PALLD: variants seen among roughly 807,000 people sequenced by gnomAD.
The protein encoded by PALLD is palladin, cytoskeletal associated protein.
In PALLD, 61 loss-of-function variants were observed where a neutral mutation model predicts 123.5. That is an observed-to-expected ratio of 0.49 (90% CI 0.40 to 0.61). The LOEUF (loss-of-function observed/expected upper bound fraction) is 0.61, where lower values mean the gene tolerates loss of function less well. Among genes scored for constraint, PALLD ranks in the 20% least tolerant of loss-of-function variants. PALLD has a pLI of 0.00. For synonymous variants in PALLD, 465 were observed against 496.4 expected (o/e 0.94, Z 0.84); for missense variants, 1,273 against 1,377.0 (o/e 0.92, Z 1.20).
At chr4:168,533,445 G>T (rs7698708) in intron 2 of PALLD, among the ~76,000 whole-genome samples, 63,410 of 151,914 alleles carry the variant, frequency 0.42, 14,348 homozygotes, top group African/African-American at 0.6. Context: ...TTGAAATTAA[G>T]AATAAAGGAG....
chr4:168,863,694 T>C (rs925954158), intron 10 of PALLD: 32 of 152,250 alleles, frequency 2.1e-4, no homozygotes, highest in African/African-American at 7.7e-4. Context: ...GTCTTCTGGT[T>C]CATTTTGACA....
At chr4:168,678,481 A>G (rs1439256245) in intron 3 of PALLD, among the ~76,000 whole-genome samples, 2 of 152,146 alleles carry the variant, frequency 1.3e-5, no homozygotes, top group African/African-American at 4.8e-5. Flanking sequence ...AGAGCACAGA[A>G]TAGTGCCTGG....
At position 168,905,790 on chromosome 4, in the gene PALLD, CTTT is replaced by C. The variant is rs59427697; in HGVS notation, c.2622+1902_2622+1904del. On this transcript the variant is annotated intron_variant, in intron 15 of 21. Coordinates refer to ENST00000505667, the MANE Select transcript of PALLD (RefSeq NM_001166108.2). ...ACAAAAGCGGAACTTGCTTTTTTTT[CTTT>C]TTTTTTTTTTTTTTTTTCTTTTTTG... Among the ~76,000 whole-genome samples the C allele has an allele frequency of 6.4e-3, 719 of 113,136 alleles. 5 individuals carry two copies. Among genetic ancestry groups the C allele is most frequent in the African/African-American group, 0.021 (669 of 31,150 alleles). The allele number at this position is 113,136 out of a possible 152,430, so 74.2% of individuals were successfully genotyped here. A position where few individuals can be genotyped will look rare whatever the true frequency, so the allele number is the denominator to read the frequency against.
At chr4:168,599,753 C>T (rs181441475) in intron 2 of PALLD, among the ~76,000 whole-genome samples, 8 of 152,022 alleles carry the variant, frequency 5.3e-5, no homozygotes, top group Admixed American at 3.3e-4. Context: ...CCTGACTGGG[C>T]AACATAGCCA....
At chr4:168,589,677 A>T (rs1010159328) in intron 2 of PALLD, among the ~76,000 whole-genome samples, 6 of 152,182 alleles carry the variant, frequency 3.9e-5, no homozygotes, top group Admixed American at 1.3e-4. Flanking sequence ...AAGTTTGGGG[A>T]GTTGCTAAGC....
intron 2 of PALLD, among the ~76,000 whole-genome samples, chr4:168,625,500 G>GATATATATATATATATATATATATATAT (rs1554052783): frequency 2.6e-4 from 9 of 35,212 alleles, no homozygotes; most frequent in African/African-American, 7.8e-4. Flanking sequence ...TAATATCCAG[G>GATATATATATATATATATATATATATAT]AGATATATAT....
At chr4:168,631,668 T>G in intron 2 of PALLD, 1 of 985,392 alleles carries the variant, frequency 1.0e-6, no homozygotes. Flanking sequence ...TCGTGGCCGC[T>G]GCGCCGCCAG....
intron 17 of PALLD, among the ~76,000 whole-genome samples, chr4:168,920,206 G>A (rs1210342632): frequency 6.6e-6 from 1 of 152,198 alleles, no homozygotes; most frequent in Non-Finnish European, 1.5e-5. Flanking sequence ...ACAGCAAGTG[G>A]ATAGATAGGA....
At chr4:168,760,194 G>A (rs139221302) in intron 10 of PALLD, among the ~76,000 whole-genome samples, 1 of 152,228 alleles carries the variant, frequency 6.6e-6, no homozygotes, top group Non-Finnish European at 1.5e-5. Context: ...TCCAGCCTCA[G>A]TCTCTGTACA....
chr4:168,536,569 GA>G, intron 2 of PALLD: 1 of 152,254 alleles, frequency 6.6e-6, no homozygotes, highest in East Asian at 1.9e-4. Flanking sequence ...AAGGCAAAGG[GA>G]AAGCAAGACA....
chr4:168,808,948 A>G (rs1039109374), intron 10 of PALLD, among the ~76,000 whole-genome samples: 52 of 152,244 alleles, frequency 3.4e-4, no homozygotes, highest in African/African-American at 1.2e-3. Context: ...TAAGCAGGCC[A>G]GGGATTTTAA....
chr4:168,803,177 G>A (rs982663559), intron 10 of PALLD, among the ~76,000 whole-genome samples: 6 of 152,166 alleles, frequency 3.9e-5, no homozygotes, highest in African/African-American at 1.2e-4. Flanking sequence ...CAGTTCCACA[G>A]GCTGTACAGG....
intron 2 of PALLD, among the ~76,000 whole-genome samples, chr4:168,565,356 G>A (rs17613517): frequency 0.13 from 20,156 of 152,046 alleles, 1,753 homozygotes; most frequent in South Asian, 0.21. Flanking sequence ...CCATGCTCTC[G>A]GCACAAGTAA....
At chr4:168,553,292 C>G (rs147282782) in intron 2 of PALLD, among the ~76,000 whole-genome samples, 6 of 152,106 alleles carry the variant, frequency 3.9e-5, no homozygotes, top group African/African-American at 1.4e-4. Context: ...GGAAAAAAAG[C>G]CTTATAATGT....
intron 2 of PALLD, among the ~76,000 whole-genome samples, chr4:168,639,533 T>A (rs1371107832): frequency 6.6e-6 from 1 of 151,772 alleles, no homozygotes; most frequent in Non-Finnish European, 1.5e-5. Flanking sequence ...AAAGAACTAT[T>A]GGCCATTCAA....
At position 168,913,931 on chromosome 4, in the gene PALLD, G is replaced by A. The variant is rs115274645; in HGVS notation, c.2627G>A (p.Arg876His). The A allele has an allele frequency of 2.7e-5, 43 of 1,603,598 alleles. No individual in the cohort carries two copies. The South Asian group carries it at 3.4e-4, about 13-fold the overall frequency. ...YTIMAANPQG[R>H]ISCTGRLMVQ... ...TATTTCCTGATATTTCTACAGGGCC[G>A]CATCAGTTGTACTGGACGGCTAATG... Residue 876 changes from arginine (R) to histidine (H), a missense_variant, in exon 16 of 22, where the codon CGC (arginine) becomes CAC (histidine). By Grantham distance (29) the Arg-to-His change is conservative (BLOSUM62 0). Coordinates refer to ENST00000505667, the MANE Select transcript of PALLD (RefSeq NM_001166108.2).
intron 10 of PALLD, among the ~76,000 whole-genome samples, chr4:168,828,272 A>G (rs907866644): frequency 2.6e-5 from 4 of 152,258 alleles, no homozygotes; most frequent in African/African-American, 9.6e-5. Context: ...AGATATATTA[A>G]TATTCCTTTG....
At chr4:168,499,350 GA>G (rs1761146037) in intron 1 of PALLD, among the ~76,000 whole-genome samples, 1 of 99,234 alleles carries the variant, frequency 1.0e-5, no homozygotes, top group Non-Finnish European at 2.0e-5. Flanking sequence ...AGGCAGAAGG[GA>G]GGGAGGGGGG....
chr4:168,600,008 T>TACATGTGTGTACACAC (rs1561290774), intron 2 of PALLD, among the ~76,000 whole-genome samples: 36 of 132,446 alleles, frequency 2.7e-4, no homozygotes, highest in Admixed American at 2.0e-3. Context: ...CACACGTATA[T>TACATGTGTGTACACAC]ACATACATGT....
Sources: allele counts gnomAD v4.1 joint callset (sites outside exome capture counted in the v4.1 genomes callset), GRCh38; gene constraint gnomAD v4.1.1; transcripts MANE v1.5; gene names NCBI Gene and HGNC (gene_info 2026-07-23, HGNC 2026-07-21).